The following LAMC3 variants were observed in gnomAD, a reference collection of about 807,000 sequenced individuals.
LAMC3 encodes the protein laminin subunit gamma-3.
In LAMC3, 128 loss-of-function variants were observed where a neutral mutation model predicts 173.8. The ratio of observed to expected loss-of-function variants is 0.74; its 90% CI spans 0.64 to 0.85. LAMC3 has a LOEUF of 0.85. Among genes scored for constraint, LAMC3 ranks in the 40% least tolerant of loss-of-function variants. The probability of loss-of-function intolerance (pLI) is 0.00; values close to 1 mark genes in which losing one functional copy is unlikely to be tolerated. For synonymous variants in LAMC3, 897 were observed against 909.1 expected (o/e 0.99, Z 0.24); for missense variants, 2,022 against 2,156.0 (o/e 0.94, Z 1.23).
At chr9:131,081,667 G>T (rs1386662810) in intron 23 of LAMC3, among the ~76,000 whole-genome samples, 2 of 152,080 alleles carry the variant, frequency 1.3e-5, no homozygotes, top group Admixed American at 6.6e-5. Flanking sequence ...TAGAGACAGG[G>T]TTTCACCATG....
rs762783930 is a variant in LAMC3 at position 131,087,699 on chromosome 9, TTCC to T, written c.4378-12_4378-10del. 2.3e-5 allele frequency: 37 copies of T among 1,613,690 alleles called. No individual in the cohort carries two copies. The highest frequency in any genetic ancestry group is 3.1e-5 in the Non-Finnish European group (36 of 1,179,736). ...GTGGGGACGCCATTCAAGCTGTTTCTTCCTCCTCCCCCTGAAAGGTGGGTGCTG... is the reference window on the plus strand; with the variant it reads ...GTGGGGACGCCATTCAAGCTGTTTCTTCCTCCCCCTGAAAGGTGGGTGCTG... On this transcript the variant is annotated splice_polypyrimidine_tract_variant and intron_variant, in intron 26 of 27. Coordinates refer to ENST00000361069, the MANE Select transcript of LAMC3 (RefSeq NM_006059.4).
In LAMC3 at chr9:131,073,322, G is replaced by T. The variant is rs756587349; in HGVS notation, c.3494+1G>T. The T allele has an allele frequency of 2.5e-6, 4 of 1,612,822 alleles. No homozygotes were observed. The highest frequency in any genetic ancestry group is 1.6e-4 in the Middle Eastern group (1 of 6,062). Reference sequence around the variant, plus strand: ...CAGAGGCCCGTGCCCTCGCCAGGAGGTGAGTCCCAAGACATGGTGAGCTTA... The same window carrying T: ...CAGAGGCCCGTGCCCTCGCCAGGAGTTGAGTCCCAAGACATGGTGAGCTTA... On this transcript the variant is annotated splice_donor_variant, in intron 20 of 27. Coordinates refer to ENST00000361069, the MANE Select transcript of LAMC3 (RefSeq NM_006059.4). LOFTEE classifies it high-confidence loss of function.
chr9:131,030,634 A>C (rs1833807657), intron 2 of LAMC3, among the ~76,000 whole-genome samples: 1 of 152,218 alleles, frequency 6.6e-6, no homozygotes, highest in Non-Finnish European at 1.5e-5. Flanking sequence ...TACCTACTTC[A>C]GGGTTACCGT....
chr9:131,044,680 C>G (rs1012641579), intron 7 of LAMC3, among the ~76,000 whole-genome samples: 1 of 152,162 alleles, frequency 6.6e-6, no homozygotes, highest in Non-Finnish European at 1.5e-5. Context: ...TGTGATATGA[C>G]GAGAAGGGTA....
rs757017717 is a variant in LAMC3 at position 131,026,611 on chromosome 9, G to A, written c.678+22G>A. 1.4e-5 allele frequency: 22 copies of A among 1,550,142 alleles called. No individual in the cohort carries two copies. Among genetic ancestry groups the A allele is most frequent in the Non-Finnish European group, 1.7e-5 (19 of 1,148,740 alleles). On this transcript the variant is annotated intron_variant, in intron 2 of 27. Transcript: ENST00000361069. The surrounding 1 kb of genome is among the most constrained non-coding windows in gnomAD (Gnocchi z 4.8). ...GCAGGTCAGGGAGGAGCGGGGCTTC[G>A]GAGGTTGGGACGGGGTTGGGACTGG...
At chr9:131,063,013 T>C (rs1381315757) in intron 13 of LAMC3, among the ~76,000 whole-genome samples, 1 of 152,272 alleles carries the variant, frequency 6.6e-6, no homozygotes, top group Non-Finnish European at 1.5e-5. Context: ...ATTTGTTCTT[T>C]TGGATCTGGC....
chr9:131,058,540 C>T (rs924060984), intron 12 of LAMC3, among the ~76,000 whole-genome samples: 1 of 152,170 alleles, frequency 6.6e-6, no homozygotes, highest in Admixed American at 6.5e-5. Context: ...TAGACACCTG[C>T]TGCCTCCCCA....
At chr9:131,044,303 A>G (rs568884536) in intron 7 of LAMC3, among the ~76,000 whole-genome samples, 5 of 151,308 alleles carry the variant, frequency 3.3e-5, no homozygotes, top group Non-Finnish European at 7.4e-5. Flanking sequence ...CGAGGTCAGG[A>G]GTTCAAGACC....
At chr9:131,036,921 C>A (rs1468512523) in intron 4 of LAMC3, among the ~76,000 whole-genome samples, 7 of 152,264 alleles carry the variant, frequency 4.6e-5, no homozygotes, top group African/African-American at 1.7e-4. Flanking sequence ...GCTCTCCATG[C>A]ACAGCCGCCG....
Position 131,036,385 on chromosome 9 carries a change from C to T in LAMC3, c.976+53C>T, listed in dbSNP as rs564331865. 3.1e-5 allele frequency: 49 copies of T among 1,603,480 alleles called. No individual in the cohort carries two copies. The East Asian group carries it at 4.5e-4, about 15-fold the overall frequency. On this transcript the variant is annotated intron_variant, in intron 4 of 27. Coordinates refer to ENST00000361069, the MANE Select transcript of LAMC3 (RefSeq NM_006059.4). ...AGGGACCCGAGGCTGGTGTTGCAGG[C>T]GGGGAAAGGAACTCCCCAAAACGTC...
chr9:131,025,959 G>C (rs1467325751), intron 1 of LAMC3, among the ~76,000 whole-genome samples: 1 of 152,202 alleles, frequency 6.6e-6, no homozygotes, highest in Non-Finnish European at 1.5e-5. Flanking sequence ...GGCTTTCTTA[G>C]AATGTGGCAA....
chr9:131,056,868 G>C lies in LAMC3; in HGVS notation c.1940-61G>C, dbSNP rs1369666704. 6.7e-6 allele frequency: 9 copies of C among 1,340,588 alleles called. No individual in the cohort carries two copies. The Admixed American group carries it at 1.5e-4, about 22-fold the overall frequency. The allele number at this position is 1,340,588 out of a possible 1,614,324, so 83.0% of individuals were successfully genotyped here. A position where few individuals can be genotyped will look rare whatever the true frequency, so the allele number is the denominator to read the frequency against. On this transcript the variant is annotated intron_variant, in intron 11 of 27. Transcript: ENST00000361069. Reference sequence around the variant, plus strand: ...CCATATGTGAACAGGAAGGTTTTGGGGGGAAGCATGTGCAGGGAGCTTGTG... The same window carrying C: ...CCATATGTGAACAGGAAGGTTTTGGCGGGAAGCATGTGCAGGGAGCTTGTG...
At chr9:131,075,616 A>G (rs1370903305) in intron 20 of LAMC3, among the ~76,000 whole-genome samples, 1 of 151,718 alleles carries the variant, frequency 6.6e-6, no homozygotes, top group African/African-American at 2.4e-5. Flanking sequence ...ACAGACACAA[A>G]CTCTATGTCT....
intron 1 of LAMC3, among the ~76,000 whole-genome samples, chr9:131,014,447 C>G (rs1461695319): frequency 6.6e-6 from 1 of 152,262 alleles, no homozygotes; most frequent in Non-Finnish European, 1.5e-5. Flanking sequence ...CCTCACCCCT[C>G]TAAGGTTGGG....
chr9:131,049,058 G>A lies in LAMC3; in HGVS notation c.1558G>A (p.Glu520Lys), dbSNP rs1323751753. ...GWWARSVGGS[E>K]HPPQWSPNGV... ...GTGGGCCAGAAGTGTGGGGGGCTCT[G>A]AGCACCCCCCACAATGGAGCCCAAA... The change falls in exon 9 of 28, where the codon GAG (glutamate) becomes AAG (lysine). Residue 520 changes from glutamate (E) to lysine (K), a missense_variant. Physicochemically the swap from Glu to Lys is moderately conservative, Grantham distance 56. Coordinates refer to ENST00000361069, the MANE Select transcript of LAMC3 (RefSeq NM_006059.4). 3 of 1,551,812 alleles carry A rather than the reference G, an allele frequency of 1.9e-6. No homozygotes were observed. Among genetic ancestry groups the A allele is most frequent in the Admixed American group, 3.9e-5 (2 of 51,142 alleles).
chr9:131,079,792 C>A (rs553425425), intron 23 of LAMC3, among the ~76,000 whole-genome samples: 10 of 152,034 alleles, frequency 6.6e-5, no homozygotes, highest in Admixed American at 6.6e-5. Context: ...CCTGATACCC[C>A]GAGAAGAGAT....
At chr9:131,077,123 G>A in intron 21 of LAMC3, 64 bp from the exon 22 acceptor site, 3 of 1,602,940 alleles carry the variant, frequency 1.9e-6, no homozygotes, top group Non-Finnish European at 2.6e-6. Flanking sequence ...TCCAGCCTGG[G>A]GCCCAGACAG....
At chr9:131,084,321 C>G (rs1830292864) in intron 24 of LAMC3, among the ~76,000 whole-genome samples, 1 of 152,028 alleles carries the variant, frequency 6.6e-6, no homozygotes, top group African/African-American at 2.4e-5. Context: ...AGTGATCCTT[C>G]CACCTCAGTC....
chr9:131,027,801 G>A (rs367635023), intron 2 of LAMC3, among the ~76,000 whole-genome samples: 6 of 152,190 alleles, frequency 3.9e-5, no homozygotes, highest in South Asian at 2.1e-4. Flanking sequence ...ACAGCTCCCC[G>A]TCCTTGTCCT....
Sources: gnomAD v4.1 joint callset for allele counts (sites outside exome capture counted in the v4.1 genomes callset) on GRCh38, gnomAD v4.1.1 for gene constraint, Gnocchi (gnomAD v3.1) non-coding constraint, MANE v1.5 for transcripts, NCBI Gene and HGNC (gene_info 2026-07-23, HGNC 2026-07-21) for gene names.